RIMBP2: variants seen among roughly 807,000 people sequenced by gnomAD.
The protein encoded by RIMBP2 is RIMS binding protein 2.
In RIMBP2, 48 loss-of-function variants were observed where a neutral mutation model predicts 118.6. The observed-to-expected ratio is 0.40, with a 90% CI of 0.32 to 0.51. RIMBP2 has a LOEUF of 0.51. RIMBP2 is among the 20% of genes least tolerant of loss of function. The pLI is 0.41. For synonymous variants in RIMBP2, 762 were observed against 742.9 expected (o/e 1.03, Z -0.42); for missense variants, 1,551 against 1,768.3 (o/e 0.88, Z 2.20).
chr12:130,516,182 C>G (rs982487210), intron 3 of RIMBP2, among the ~76,000 whole-genome samples: 4 of 152,204 alleles, frequency 2.6e-5, no homozygotes, highest in African/African-American at 2.4e-5. Context: ...AAAAAACATA[C>G]CTTTAAAAAA....
intron 1 of RIMBP2, among the ~76,000 whole-genome samples, chr12:130,708,331 T>C (rs1029335496): frequency 1.3e-5 from 2 of 152,182 alleles, no homozygotes; most frequent in African/African-American, 4.8e-5. Context: ...CTGAATATAC[T>C]GACAACCCCT....
chr12:130,599,213 C>CT (rs34376069), intron 2 of RIMBP2, among the ~76,000 whole-genome samples: 1 of 152,092 alleles, frequency 6.6e-6, no homozygotes, highest in East Asian at 1.9e-4. Context: ...GATTAAACAA[C>CT]TTTTTTTAGA....
chr12:130,568,050 T>G (rs914936789), intron 2 of RIMBP2, among the ~76,000 whole-genome samples: 1 of 152,170 alleles, frequency 6.6e-6, no homozygotes, highest in African/African-American at 2.4e-5. Flanking sequence ...CTCCAAAAGA[T>G]AGCCTGCTGA....
At chr12:130,585,527 G>A (rs1204647012) in intron 2 of RIMBP2, among the ~76,000 whole-genome samples, 4 of 151,200 alleles carry the variant, frequency 2.6e-5, no homozygotes, top group Non-Finnish European at 5.9e-5. Flanking sequence ...TGGGAGAACT[G>A]CTTGAGCCCA....
At chr12:130,441,673 T>C (rs2078151152) in intron 11 of RIMBP2, among the ~76,000 whole-genome samples, 175 bp downstream of exon 11, 1 of 152,172 alleles carries the variant, frequency 6.6e-6, no homozygotes, top group South Asian at 2.1e-4. Flanking sequence ...TTCCAAGGAC[T>C]CTTGTGCACA....
rs150994914 is a variant in RIMBP2, at chr12:130,610,007, C to T, written c.-217+18315G>A. Among the ~76,000 whole-genome samples, 69 of 152,344 alleles carry T rather than the reference C, an allele frequency of 4.5e-4. 1 individual carries two copies. The East Asian group carries it at 0.012, about 26-fold the overall frequency. On this transcript the variant is annotated intron_variant, in intron 2 of 22. Transcript: ENST00000690449. ...CGAATGCTCACCTTCTCCAGAAACG[C>T]CCTCACAGGCACCCCAAAAAATAGT...
chr12:130,438,351 C>CCCACAAA lies in RIMBP2; in HGVS notation c.1656+13_1656+14insTTTGTGG. On this transcript the variant is annotated intron_variant, in intron 12 of 22. Coordinates refer to ENST00000690449, the MANE Select transcript of RIMBP2 (RefSeq NM_001393629.1). ...GCCTAACAAACCCTCCCCACCCACC[C>CCCACAAA]AACGAAAACTCACCCTCTGCCCTTT... The CCCACAAA allele has an allele frequency of 6.3e-7, 1 of 1,589,910 alleles. No individual in the cohort carries two copies. The highest frequency in any genetic ancestry group is 8.6e-7 in the Non-Finnish European group (1 of 1,158,598).
intron 2 of RIMBP2, among the ~76,000 whole-genome samples, chr12:130,587,799 T>A (rs1237610632): frequency 7.3e-6 from 1 of 137,288 alleles, no homozygotes; most frequent in Non-Finnish European, 1.5e-5. Flanking sequence ...CTGCACAATG[T>A]GCACATGTAC....
chr12:130,547,661 C>T lies in RIMBP2; in HGVS notation c.-216-29744G>A, dbSNP rs181051656. Among the ~76,000 whole-genome samples the T allele has an allele frequency of 8.4e-4, 128 of 152,310 alleles. 1 individual carries two copies. The highest frequency in any genetic ancestry group is 2.9e-3 in the African/African-American group (122 of 41,574). On this transcript the variant is annotated intron_variant, in intron 2 of 22. Transcript: ENST00000690449. ...TGCCTGAGCTACTCTGTCACGTCAGCCCCGAAATGGGGAAGATCAGGACAC... is the reference window on the plus strand; with the variant it reads ...TGCCTGAGCTACTCTGTCACGTCAGTCCCGAAATGGGGAAGATCAGGACAC...
intron 5 of RIMBP2, among the ~76,000 whole-genome samples, chr12:130,472,628 A>G (rs1476740475): frequency 1.3e-5 from 2 of 152,238 alleles, no homozygotes; most frequent in East Asian, 1.9e-4. Context: ...GGACGATTCA[A>G]CATCATAAAT....
intron 1 of RIMBP2, among the ~76,000 whole-genome samples, chr12:130,705,317 G>A (rs955727599): frequency 1.3e-5 from 2 of 152,174 alleles, no homozygotes; most frequent in African/African-American, 4.8e-5. Flanking sequence ...TCATGAAGCC[G>A]CCCGGAGCCT....
At chr12:130,577,637 G>A (rs1396520927) in intron 2 of RIMBP2, among the ~76,000 whole-genome samples, 1 of 152,166 alleles carries the variant, frequency 6.6e-6, no homozygotes, top group African/African-American at 2.4e-5. Flanking sequence ...GACTCGTGGG[G>A]ATTACAATTC....
Position 130,422,657 on chromosome 12 carries a change from G to T in RIMBP2, c.3130-96C>A, listed in dbSNP as rs969919965. 1 of 857,380 alleles carries T rather than the reference G, an allele frequency of 1.2e-6. No individual in the cohort carries two copies. Among genetic ancestry groups the T allele is most frequent in the East Asian group, 2.7e-5 (1 of 37,286 alleles). 53.1% of individuals were successfully genotyped at this position (857,380 alleles called of 1,614,324 possible). On this transcript the variant is annotated intron_variant, in intron 16 of 22. Coordinates refer to ENST00000690449, the MANE Select transcript of RIMBP2 (RefSeq NM_001393629.1). The surrounding 1 kb of genome is among the most constrained non-coding windows in gnomAD (Gnocchi z 5.2). ...TCAAGCGGGTTGAAAAGCAGAATCT[G>T]TAAAGGCAACTAAACTTAGCTTTTA...
intron 2 of RIMBP2, among the ~76,000 whole-genome samples, chr12:130,559,427 A>G (rs761070455): frequency 5.3e-5 from 8 of 152,158 alleles, no homozygotes; most frequent in East Asian, 3.9e-4. Flanking sequence ...TTGTCTTTCA[A>G]TGCCTGGCTT....
At chr12:130,544,831 G>A (rs2054959293) in intron 2 of RIMBP2, among the ~76,000 whole-genome samples, 1 of 151,928 alleles carries the variant, frequency 6.6e-6, no homozygotes, top group African/African-American at 2.4e-5. Context: ...GAGCTCAGGT[G>A]ATCTGCCTGC....
chr12:130,486,457 C>T (rs2082487023), intron 4 of RIMBP2, among the ~76,000 whole-genome samples: 1 of 151,954 alleles, frequency 6.6e-6, no homozygotes, highest in Admixed American at 6.6e-5. Context: ...ACCCTTCATC[C>T]CCGTCCCCCG....
At chr12:130,685,343 C>G (rs777057917) in intron 1 of RIMBP2, among the ~76,000 whole-genome samples, 15 of 151,934 alleles carry the variant, frequency 9.9e-5, no homozygotes, top group African/African-American at 3.6e-4. Flanking sequence ...TAAATATACA[C>G]AATAAAAGCT....
chr12:130,631,380 C>G (rs183231043), intron 1 of RIMBP2, among the ~76,000 whole-genome samples: 87 of 152,256 alleles, frequency 5.7e-4, no homozygotes, highest in Middle Eastern at 3.4e-3. Flanking sequence ...GGGAGGGAAA[C>G]TAAGATAACT....
At chr12:130,436,552 G>T (rs1312885753) in intron 13 of RIMBP2, among the ~76,000 whole-genome samples, 1 of 152,194 alleles carries the variant, frequency 6.6e-6, no homozygotes, top group African/African-American at 2.4e-5. Flanking sequence ...CAGACCCCTT[G>T]TCGCACACCA....
Sources: gnomAD v4.1 joint callset for allele counts (sites outside exome capture counted in the v4.1 genomes callset) on GRCh38, gnomAD v4.1.1 for gene constraint, Gnocchi (gnomAD v3.1) non-coding constraint, MANE v1.5 for transcripts, NCBI Gene and HGNC (gene_info 2026-07-23, HGNC 2026-07-21) for gene names.